GLIPR1: variants seen among roughly 807,000 people sequenced by gnomAD.
The protein encoded by GLIPR1 is GLI pathogenesis related 1, also known as glioma pathogenesis-related protein 1.
A neutral mutation model predicts 30.3 loss-of-function variants in GLIPR1; 38 were observed. That is an observed-to-expected ratio of 1.26 (90% CI 0.97 to 1.65). GLIPR1 has a LOEUF of 1.65. GLIPR1 is among the 40% of genes most tolerant of loss of function. GLIPR1 has a pLI of 0.00. For synonymous variants in GLIPR1, 122 were observed against 110.6 expected, an observed-to-expected ratio of 1.10 and a Z score of -0.65; for missense variants, 285 against 326.5, an observed-to-expected ratio of 0.87 and a Z score of 0.98.
At chr12:75,490,226 CACACACA>C (rs1566097363) in intron 2 of GLIPR1, among the ~76,000 whole-genome samples, 173 bp from the exon 3 acceptor site, 43 of 150,216 alleles carry the variant, frequency 2.9e-4, no homozygotes, top group East Asian at 1.9e-3. Flanking sequence ...CACACACACA[CACACACA>C]CCCCAATAAT....
At chr12:75,492,547 T>C (rs1181199415) in intron 3 of GLIPR1, 8 of 152,256 alleles carry the variant, frequency 5.3e-5, no homozygotes, top group Non-Finnish European at 1.2e-4. Context: ...ACTAGGTATA[T>C]ATAATGCTTG....
chr12:75,481,584 C>A (rs370037501), intron 1 of GLIPR1, among the ~76,000 whole-genome samples: 5 of 152,172 alleles, frequency 3.3e-5, no homozygotes, highest in African/African-American at 1.2e-4. Flanking sequence ...ACACGGCACA[C>A]ACTATTTTGC....
At chr12:75,492,889 T>C (rs1393671542) in intron 3 of GLIPR1, 2 of 152,176 alleles carry the variant, frequency 1.3e-5, no homozygotes, top group African/African-American at 2.4e-5. Flanking sequence ...TAATAGAAAC[T>C]ATCAATAGGC....
intron 2 of GLIPR1, among the ~76,000 whole-genome samples, chr12:75,482,719 T>G (rs1475147432): frequency 1.3e-5 from 2 of 151,950 alleles, no homozygotes; most frequent in Non-Finnish European, 2.9e-5. Context: ...TTGAGTTTTT[T>G]TTTTTTTTTT....
chr12:75,492,070 A>C (rs970162746), intron 3 of GLIPR1: 2 of 149,364 alleles, frequency 1.3e-5, no homozygotes, highest in Non-Finnish European at 3.0e-5. Flanking sequence ...TAATTCAGTT[A>C]GTGGTAACTT....
At chr12:75,481,102 A>T in intron 1 of GLIPR1, 48 bp downstream of exon 1, 1 of 1,438,480 alleles carries the variant, frequency 7.0e-7, no homozygotes, top group South Asian at 1.2e-5. Flanking sequence ...AGAAACAACT[A>T]ATGTGTATTG....
Position 75,499,996 on chromosome 12 carries a change from C to A in GLIPR1, c.*1018C>A. ...AACACATGTAATACTTTAGATTTTACCAAGTAAAACAAAGAATATATGTTT... is the reference window on the plus strand; with the variant it reads ...AACACATGTAATACTTTAGATTTTAACAAGTAAAACAAAGAATATATGTTT... On this transcript the variant is annotated 3_prime_UTR_variant, in exon 6 of 6. Transcript: ENST00000266659. 2 of 1,445,488 alleles carry A rather than the reference C, an allele frequency of 1.4e-6. No individual in the cohort carries two copies. Among genetic ancestry groups the A allele is most frequent in the South Asian group, 1.3e-5 (1 of 77,500 alleles). 89.5% of individuals were successfully genotyped at this position (1,445,488 alleles called of 1,614,324 possible). A position where few individuals can be genotyped will look rare whatever the true frequency, so the allele number is the denominator to read the frequency against.
intron 4 of GLIPR1, 21 bp from the exon 5 acceptor site, chr12:75,498,673 T>C (rs2046367299): frequency 1.2e-6 from 2 of 1,605,968 alleles, no homozygotes; most frequent in African/African-American, 2.7e-5. Flanking sequence ...TTTTTTTTCT[T>C]TCTTCCCCCT....
chr12:75,485,564 T>TATTTATTTATTTATTTATTTA (rs71078738), intron 2 of GLIPR1, among the ~76,000 whole-genome samples: 6 of 148,930 alleles, frequency 4.0e-5, no homozygotes, highest in South Asian at 2.1e-4. Context: ...TTTATTTATT[T>TATTTATTTATTTATTTATTTA]TTTTGAGACG....
chr12:75,482,084 G>A lies in GLIPR1; in HGVS notation c.420+5G>A, dbSNP rs1187312762. ...GTCTGTGGCCACTACACTCAGGTAAGGATCTGCCCTATATTATCTTGAAAC... is the reference window on the plus strand; with the variant it reads ...GTCTGTGGCCACTACACTCAGGTAAAGATCTGCCCTATATTATCTTGAAAC... On this transcript the variant is annotated splice_donor_5th_base_variant and intron_variant, in intron 2 of 5. Coordinates refer to ENST00000266659, the MANE Select transcript of GLIPR1 (RefSeq NM_006851.3). 1.9e-6 allele frequency: 3 copies of A among 1,612,522 alleles called. No homozygotes were observed. Among genetic ancestry groups the A allele is most frequent in the Admixed American group, 3.3e-5 (2 of 59,992 alleles).
At chr12:75,496,581 C>T (rs868013692) in intron 4 of GLIPR1, 2 of 151,718 alleles carry the variant, frequency 1.3e-5, no homozygotes, top group African/African-American at 4.8e-5. Flanking sequence ...GTTTTTTTAC[C>T]ATGGTGTGAA....
chr12:75,503,746 G>A lies in GLIPR1; in HGVS notation c.*4768G>A, dbSNP rs957063484. ...CCCCCATGCACTCAGCTCAAAATATGCCTATTTATATTTACCCTCAGTTTC... is the reference window on the plus strand; with the variant it reads ...CCCCCATGCACTCAGCTCAAAATATACCTATTTATATTTACCCTCAGTTTC... On this transcript the variant is annotated 3_prime_UTR_variant, in exon 6 of 6. Transcript: ENST00000266659. The A allele has an allele frequency of 1.7e-6, 1 of 589,780 alleles. No individual in the cohort carries two copies. Among genetic ancestry groups the A allele is most frequent in the Non-Finnish European group, 2.8e-6 (1 of 356,680 alleles). The allele number at this position is 589,780 out of a possible 1,614,324, so 36.5% of individuals were successfully genotyped here.
At chr12:75,485,488 G>GT (rs2046289141) in intron 2 of GLIPR1, among the ~76,000 whole-genome samples, 1 of 151,938 alleles carries the variant, frequency 6.6e-6, no homozygotes, top group Admixed American at 6.6e-5. Context: ...TCTTATTTTA[G>GT]TTTTTCTCTT....
In GLIPR1 at chr12:75,500,502, TTAA is replaced by T. The variant is rs1333251673; in HGVS notation, c.*1526_*1528del. ...TTGAATATTCAATGAATTAATTCAT[TTAA>T]TGTTAGATTAATTCATTGAATATTA... is the stretch of plus-strand genomic sequence containing the variant. On this transcript the variant is annotated 3_prime_UTR_variant, in exon 6 of 6. Transcript: ENST00000266659. 2 of 151,994 alleles carry T rather than the reference TTAA, an allele frequency of 1.3e-5. No homozygotes were observed. The highest frequency in any genetic ancestry group is 4.8e-5 in the African/African-American group (2 of 41,430). The allele number at this position is 151,994 out of a possible 1,614,324, so 9.4% of individuals were successfully genotyped here.
At chr12:75,487,767 A>G (rs911369079) in intron 2 of GLIPR1, 6 of 456,316 alleles carry the variant, frequency 1.3e-5, no homozygotes, top group African/African-American at 1.2e-4. Context: ...CGGGATCCAA[A>G]CCCCAAGAGA....
intron 2 of GLIPR1, 45 bp from the exon 3 acceptor site, chr12:75,490,359 GTT>G (rs1206761775): frequency 2.8e-6 from 3 of 1,065,228 alleles, no homozygotes; most frequent in Admixed American, 3.5e-5. Context: ...CATACCCAAT[GTT>G]TATCTTATGG....
Position 75,503,819 on chromosome 12 carries a change from C to T in GLIPR1, c.*4841C>T. The stretch of plus-strand genomic sequence containing the variant: ...ACAATATATATATATACACATATCC[C>T]ACCTGAAATACTTTCAATAAAGTTT... On this transcript the variant is annotated 3_prime_UTR_variant, in exon 6 of 6. Coordinates refer to ENST00000266659, the MANE Select transcript of GLIPR1 (RefSeq NM_006851.3). 1 of 1,177,890 alleles carries T rather than the reference C, an allele frequency of 8.5e-7. No individual in the cohort carries two copies. Among genetic ancestry groups the T allele is most frequent in the Non-Finnish European group, 1.2e-6 (1 of 826,278 alleles). 73.0% of individuals were successfully genotyped at this position (1,177,890 alleles called of 1,614,324 possible). A position where few individuals can be genotyped will look rare whatever the true frequency, so the allele number is the denominator to read the frequency against.
Position 75,501,789 on chromosome 12 carries a change from T to C in GLIPR1, c.*2811T>C. 6.2e-7 allele frequency: 1 copy of C among 1,610,462 alleles called. No individual in the cohort carries two copies. Among genetic ancestry groups the C allele is most frequent in the Non-Finnish European group, 8.5e-7 (1 of 1,178,100 alleles). On this transcript the variant is annotated 3_prime_UTR_variant, in exon 6 of 6. Coordinates refer to ENST00000266659, the MANE Select transcript of GLIPR1 (RefSeq NM_006851.3). Reference sequence around the variant, plus strand: ...AATGCTTTGTTTCTTTCCTCTTGTCTCTTACTGATGGCTTCTGCTTGTTTA... The same window carrying C: ...AATGCTTTGTTTCTTTCCTCTTGTCCCTTACTGATGGCTTCTGCTTGTTTA...
Position 75,489,460 on chromosome 12 carries a change from T to C in GLIPR1, c.421-946T>C, listed in dbSNP as rs535054853. On this transcript the variant is annotated intron_variant, in intron 2 of 5. Transcript: ENST00000266659. ...ACATCTCTAGCCTTACCCTGTCCTC[T>C]GGACTGCAGCCACCAAGTTAATCTT... is the stretch of plus-strand genomic sequence containing the variant. 2.0e-5 allele frequency among the ~76,000 whole-genome samples: 3 copies of C among 152,312 alleles called. No individual in the cohort carries two copies. In the South Asian group the frequency reaches 6.2e-4, roughly 32 times the overall value.
Sources: gnomAD v4.1 joint callset for allele counts (sites outside exome capture counted in the v4.1 genomes callset) on GRCh38, gnomAD v4.1.1 for gene constraint, MANE v1.5 for transcripts, NCBI Gene and HGNC (gene_info 2026-07-23, HGNC 2026-07-21) for gene names.